The following SOD2 variants were observed in gnomAD, a reference collection of about 807,000 sequenced individuals.
SOD2 encodes superoxide dismutase [Mn], mitochondrial.
Under a neutral mutation model 27.0 loss-of-function variants are expected in SOD2, and 11 were observed. That is an observed-to-expected ratio of 0.41 (90% CI 0.26 to 0.67). The LOEUF (loss-of-function observed/expected upper bound fraction) is 0.67, where lower values mean the gene tolerates loss of function less well. SOD2 is among the 30% of genes least tolerant of loss of function. The pLI, the probability that SOD2 is intolerant of heterozygous loss-of-function variation, is 0.34. For missense variants in SOD2, 250 were observed against 274.5 expected (o/e 0.91, Z 0.63); for synonymous variants, 105 against 103.0 (o/e 1.02, Z -0.12).
intron 4 of SOD2, among the ~76,000 whole-genome samples, chr6:159,684,546 G>A (rs975604858): frequency 1.3e-5 from 2 of 152,116 alleles, no homozygotes; most frequent in African/African-American, 4.8e-5. Context: ...GAACCCAGGA[G>A]GCGGAGGTTG....
intron 1 of SOD2, chr6:159,755,636 A>C (rs763105925): frequency 6.5e-7 from 1 of 1,549,040 alleles, no homozygotes; most frequent in Non-Finnish European, 8.7e-7. Context: ...ATTTTTATAC[A>C]GTGTCATTTA....
chr6:159,687,492 A>AC (rs1780246210), intron 3 of SOD2, among the ~76,000 whole-genome samples: 1 of 151,774 alleles, frequency 6.6e-6, no homozygotes, highest in Admixed American at 6.6e-5. Flanking sequence ...CAAAAAAAAA[A>AC]AGTTCATAAA....
chr6:159,731,024 C>T (rs1376513096), upstream of SOD2: 1 of 152,174 alleles, frequency 6.6e-6, no homozygotes, highest in Non-Finnish European at 1.5e-5. Flanking sequence ...GCCTGTAGTT[C>T]CAGCTCCTTG....
At chr6:159,734,188 GT>G (rs1422460814) in intron 1 of SOD2, among the ~76,000 whole-genome samples, 3 of 151,758 alleles carry the variant, frequency 2.0e-5, no homozygotes, top group African/African-American at 7.3e-5. Flanking sequence ...TTGTTTGTTT[GT>G]TTTAATGAGA....
intron 1 of SOD2, chr6:159,755,717 G>GTT: frequency 1.0e-6 from 1 of 980,998 alleles, no homozygotes; most frequent in Non-Finnish European, 1.2e-6. Context: ...GTGGGTGTAC[G>GTT]TTTTGGTTTT....
At chr6:159,689,930 A>C (rs557996109) in intron 2 of SOD2, among the ~76,000 whole-genome samples, 10 of 151,704 alleles carry the variant, frequency 6.6e-5, no homozygotes, top group African/African-American at 2.4e-4. Context: ...ACTGCACTCC[A>C]GCCTGGGCGA....
At chr6:159,702,883 T>G (rs1055569118) in intron 1 of SOD2, among the ~76,000 whole-genome samples, 2 of 139,900 alleles carry the variant, frequency 1.4e-5, no homozygotes, top group Admixed American at 7.3e-5. Context: ...AAGCCAGGTG[T>G]TGTGGTATTT....
intron 1 of SOD2, chr6:159,743,923 C>T (rs1472546732): frequency 7.8e-6 from 8 of 1,019,352 alleles, no homozygotes; most frequent in African/African-American, 3.4e-5. Context: ...ATGCTTTGAG[C>T]TTTAAGAATA....
chr6:159,753,423 G>A (rs1779892851), intron 1 of SOD2: 2 of 1,613,968 alleles, frequency 1.2e-6, no homozygotes, highest in Non-Finnish European at 1.7e-6. Context: ...AGAGAGTTTT[G>A]TCTTCATTTT....
intron 1 of SOD2, among the ~76,000 whole-genome samples, chr6:159,721,713 A>T (rs1778045438): frequency 9.1e-6 from 1 of 109,658 alleles, no homozygotes; most frequent in Admixed American, 1.2e-4. Context: ...TTTTTAGTAG[A>T]GATGGGGTTT....
rs879590081 is a variant in SOD2 at position 159,727,287 on chromosome 6, C to G, written c.-274G>C. The stretch of plus-strand genomic sequence containing the variant: ...TCACCTTTCCTCTCCTGGCGGGGTT[C>G]GGCGGCGGGCGAGTGACTGCGGCCA... On this transcript the variant is annotated 5_prime_UTR_variant, in exon 1 of 3. Transcript: ENST00000401980. The G allele has an allele frequency of 2.5e-5, 32 of 1,280,062 alleles. No individual in the cohort carries two copies. The African/African-American group carries it at 4.5e-4, about 18-fold the overall frequency. 79.3% of individuals were successfully genotyped at this position (1,280,062 alleles called of 1,614,324 possible). A position where few individuals can be genotyped will look rare whatever the true frequency, so the allele number is the denominator to read the frequency against.
intron 1 of SOD2, among the ~76,000 whole-genome samples, chr6:159,734,375 CAAA>C (rs67668924): frequency 2.3e-5 from 3 of 130,766 alleles, no homozygotes; most frequent in Non-Finnish European, 3.2e-5. Context: ...GACTCCATCT[CAAA>C]AAAAAAAAAA....
At chr6:159,754,665 TA>T (rs1468097334) in intron 1 of SOD2, among the ~76,000 whole-genome samples, 1 of 152,138 alleles carries the variant, frequency 6.6e-6, no homozygotes, top group Admixed American at 6.5e-5. Flanking sequence ...TAATACAATA[TA>T]AATGCTAGGA....
rs1187579384 is a variant in SOD2, at chr6:159,675,132, T to C, written c.*7361A>G. ...CAAATGGAAGAACATTCCATGCTCATGGATAGGAAGAATCAATATCGTGAA... is the reference window on the plus strand; with the variant it reads ...CAAATGGAAGAACATTCCATGCTCACGGATAGGAAGAATCAATATCGTGAA... On this transcript the variant is annotated 3_prime_UTR_variant, in exon 5 of 5. Coordinates refer to ENST00000538183, the MANE Select transcript of SOD2 (RefSeq NM_000636.4). 1.2e-4 allele frequency: 18 copies of C among 152,228 alleles called. No homozygotes were observed. The highest frequency in any genetic ancestry group is 1.2e-3 in the Admixed American group (18 of 15,288). The allele number at this position is 152,228 out of a possible 1,614,324, so 9.4% of individuals were successfully genotyped here. A position where few individuals can be genotyped will look rare whatever the true frequency, so the allele number is the denominator to read the frequency against.
chr6:159,717,171 G>T (rs936688343), intron 1 of SOD2, among the ~76,000 whole-genome samples: 2 of 152,108 alleles, frequency 1.3e-5, no homozygotes, highest in Non-Finnish European at 2.9e-5. Context: ...GAGAATAATT[G>T]ACTCTGAGCT....
intron 1 of SOD2, among the ~76,000 whole-genome samples, chr6:159,737,256 C>T (rs1387500165): frequency 6.6e-6 from 1 of 152,112 alleles, no homozygotes; most frequent in African/African-American, 2.4e-5. Flanking sequence ...ACCATGTTGC[C>T]CAGGCTGGTC....
chr6:159,706,927 C>A (rs894409299), intron 1 of SOD2, among the ~76,000 whole-genome samples: 1 of 152,114 alleles, frequency 6.6e-6, no homozygotes, highest in African/African-American at 2.4e-5. Flanking sequence ...TCTCTCAAAC[C>A]ACAGTGCAAT....
chr6:159,721,174 TC>T (rs1778032982), intron 1 of SOD2, among the ~76,000 whole-genome samples: 1 of 151,902 alleles, frequency 6.6e-6, no homozygotes, highest in Admixed American at 6.6e-5. Flanking sequence ...TTCATGCCAT[TC>T]TCCTGCCTCA....
intron 1 of SOD2, chr6:159,713,601 T>C (rs1777870913): frequency 2.1e-6 from 2 of 953,576 alleles, no homozygotes; most frequent in Non-Finnish European, 3.4e-6. Context: ...TTTCCAACCC[T>C]GAAAAGAAAT....
Sources: gnomAD v4.1 joint callset for allele counts (sites outside exome capture counted in the v4.1 genomes callset) on GRCh38, gnomAD v4.1.1 for gene constraint, MANE v1.5 for transcripts, NCBI Gene and HGNC (gene_info 2026-07-23, HGNC 2026-07-21) for gene names.